Variants in ABCA13 observed in about 807,000 individuals in gnomAD.
The protein encoded by ABCA13 is ATP-binding cassette sub-family A member 13.
A neutral mutation model predicts 478.7 loss-of-function variants in ABCA13; 476 were observed. That is an observed-to-expected ratio of 0.99 (90% CI 0.92 to 1.07). ABCA13 has a LOEUF of 1.07. ABCA13 is among the 50% of genes least tolerant of loss of function. The pLI, the probability that ABCA13 is intolerant of heterozygous loss-of-function variation, is 0.00. For missense variants in ABCA13, 6,060 were observed against 5,910.6 expected (o/e 1.03, Z -0.83); for synonymous variants, 2,252 against 2,158.9 (o/e 1.04, Z -1.20).
intron 50 of ABCA13, among the ~76,000 whole-genome samples, chr7:48,509,437 C>T (rs1282977221): frequency 6.6e-6 from 1 of 152,208 alleles, no homozygotes; most frequent in Admixed American, 6.5e-5. Flanking sequence ...AGAATCACAA[C>T]ACACAGGGGG....
At chr7:48,607,121 T>C (rs1196609824) in intron 58 of ABCA13, among the ~76,000 whole-genome samples, 1 of 152,168 alleles carries the variant, frequency 6.6e-6, no homozygotes, top group Admixed American at 6.5e-5. Flanking sequence ...TTCAAGCCCG[T>C]GGATCTTAGT....
chr7:48,380,143 A>T (rs1262106458), intron 35 of ABCA13, among the ~76,000 whole-genome samples: 5 of 152,200 alleles, frequency 3.3e-5, no homozygotes, highest in Non-Finnish European at 7.4e-5. Flanking sequence ...CTCAATGTGT[A>T]ATTTTCACCA....
intron 53 of ABCA13, among the ~76,000 whole-genome samples, chr7:48,521,655 G>A (rs186097051): frequency 1.3e-5 from 2 of 151,802 alleles, no homozygotes; most frequent in Non-Finnish European, 2.9e-5. Context: ...CAGATTTCAG[G>A]GTACTCCATT....
chr7:48,233,838 ATT>A (rs1199551215), intron 7 of ABCA13, among the ~76,000 whole-genome samples, 178 bp from the exon 8 acceptor site: 2 of 152,198 alleles, frequency 1.3e-5, no homozygotes, highest in Non-Finnish European at 2.9e-5. Flanking sequence ...ACACTTCACC[ATT>A]CTCTCTATAG....
intron 20 of ABCA13, among the ~76,000 whole-genome samples, chr7:48,289,393 C>T (rs1159840055): frequency 1.4e-5 from 2 of 146,708 alleles, no homozygotes; most frequent in Non-Finnish European, 3.0e-5. Context: ...GAGTCTTGCA[C>T]TGTTGCCTGG....
chr7:48,521,899 A>C (rs923946447), intron 53 of ABCA13, among the ~76,000 whole-genome samples: 1 of 152,140 alleles, frequency 6.6e-6, no homozygotes, highest in African/African-American at 2.4e-5. Context: ...TGCATGACCC[A>C]GTCAATTTAC....
At chr7:48,447,522 A>G (rs1280392932) in intron 42 of ABCA13, among the ~76,000 whole-genome samples, 3 of 152,170 alleles carry the variant, frequency 2.0e-5, no homozygotes, top group Non-Finnish European at 2.9e-5. Context: ...TCATGTTGCA[A>G]TGAAGCCCCA....
rs757914165 is a variant in ABCA13, at chr7:48,275,024, C to T, written c.5358C>T (p.Ile1786=). 1.2e-6 allele frequency: 2 copies of T among 1,613,906 alleles called. No homozygotes were observed. The highest frequency in any genetic ancestry group is 1.7e-6 in the Non-Finnish European group (2 of 1,179,842). Reference sequence around the variant, plus strand: ...TTCATGGCATAACCATTTCAAATATCACCAAGGAAGACTTCGCAATTGTGA... The same window carrying T: ...TTCATGGCATAACCATTTCAAATATTACCAAGGAAGACTTCGCAATTGTGA... ...TLLHGITISN[I]TKEDFAIVIK... The change falls in exon 17 of 62, where the codon ATC becomes ATT. Residue 1786 remains isoleucine, a synonymous_variant. Transcript: ENST00000435803.
chr7:48,594,500 G>A (rs1790082806), intron 57 of ABCA13, among the ~76,000 whole-genome samples: 3 of 152,046 alleles, frequency 2.0e-5, no homozygotes, highest in Non-Finnish European at 4.4e-5. Flanking sequence ...CTGCATGGCT[G>A]GAGGAGTCAG....
intron 58 of ABCA13, among the ~76,000 whole-genome samples, chr7:48,601,533 C>T (rs1790892930): frequency 6.6e-6 from 1 of 152,164 alleles, no homozygotes; most frequent in Non-Finnish European, 1.5e-5. Flanking sequence ...TCATCCATGT[C>T]CCTGCAAGGG....
intron 27 of ABCA13, among the ~76,000 whole-genome samples, chr7:48,328,507 C>T (rs1804676523): frequency 6.6e-6 from 1 of 152,112 alleles, no homozygotes; most frequent in African/African-American, 2.4e-5. Flanking sequence ...TTCTCTAAGA[C>T]AGCAGTATCA....
chr7:48,371,989 T>C (rs1050516057), intron 32 of ABCA13, among the ~76,000 whole-genome samples, 179 bp from the exon 33 acceptor site: 1 of 152,200 alleles, frequency 6.6e-6, no homozygotes, highest in African/African-American at 2.4e-5. Flanking sequence ...CAAGTGCTCA[T>C]GAAAATCAAA....
At chr7:48,213,382 A>G (rs963977787) in intron 3 of ABCA13, among the ~76,000 whole-genome samples, 16 of 152,206 alleles carry the variant, frequency 1.1e-4, no homozygotes, top group African/African-American at 3.9e-4. Flanking sequence ...GCAGTCTGTT[A>G]AGTGTGCAAT....
In ABCA13 at chr7:48,279,700, G is replaced by A. The variant is rs766754827; in HGVS notation, c.8506G>A (p.Glu2836Lys). ...WRKGLLFNNS[E>K]WITSTRTLFQ... The stretch of plus-strand genomic sequence containing the variant: ...GAAAGGACTTCTGTTTAACAACTCT[G>A]AATGGATAACTTCCACAAGAACTTT... Residue 2836 changes from glutamate (E) to lysine (K), a missense_variant, in exon 18 of 62, where the codon GAA (glutamate) becomes AAA (lysine). By Grantham distance (56) the Glu-to-Lys change is moderately conservative (BLOSUM62 1). Transcript: ENST00000435803. The A allele has an allele frequency of 1.2e-6, 2 of 1,613,612 alleles. No homozygotes were observed. Among genetic ancestry groups the A allele is most frequent in the Admixed American group, 3.3e-5 (2 of 59,996 alleles).
At chr7:48,368,700 TATATATATATATATACAC>T (rs1025146902) in intron 32 of ABCA13, among the ~76,000 whole-genome samples, 2 of 140,968 alleles carry the variant, frequency 1.4e-5, no homozygotes, top group Admixed American at 1.4e-4. Flanking sequence ...TATATATATA[TATATATATATATATACAC>T]ATACACACAC....
intron 31 of ABCA13, among the ~76,000 whole-genome samples, chr7:48,363,444 T>G (rs993276350): frequency 6.6e-6 from 1 of 152,280 alleles, no homozygotes; most frequent in Non-Finnish European, 1.5e-5. Context: ...GACAATTTTC[T>G]ATGATGACAA....
intron 51 of ABCA13, among the ~76,000 whole-genome samples, chr7:48,514,733 TTC>T (rs1369933619): frequency 6.6e-6 from 1 of 152,116 alleles, no homozygotes; most frequent in Non-Finnish European, 1.5e-5. Context: ...GGGGTTTGAA[TTC>T]TCTCTGTGGT....
In ABCA13 at chr7:48,477,178, C is replaced by T. The variant is rs144590177; in HGVS notation, c.12976-3858C>T. Among the ~76,000 whole-genome samples the T allele has an allele frequency of 4.4e-3, 664 of 152,134 alleles. 8 individuals carry two copies. Among genetic ancestry groups the T allele is most frequent in the African/African-American group, 0.015 (613 of 41,482 alleles). Reference sequence around the variant, plus strand: ...GAGGGTGTATTTGGGGACACCTACACGGATAATGGTTAGAATGAGACCAAG... The same window carrying T: ...GAGGGTGTATTTGGGGACACCTACATGGATAATGGTTAGAATGAGACCAAG... On this transcript the variant is annotated intron_variant, in intron 45 of 61. Transcript: ENST00000435803.
intron 42 of ABCA13, among the ~76,000 whole-genome samples, chr7:48,438,949 T>C (rs1823226309): frequency 6.6e-6 from 1 of 151,642 alleles, no homozygotes; most frequent in South Asian, 2.1e-4. Context: ...CTAGCGTGAT[T>C]CCAAAAACTC....
Sources: allele counts gnomAD v4.1 joint callset (sites outside exome capture counted in the v4.1 genomes callset), GRCh38; gene constraint gnomAD v4.1.1; transcripts MANE v1.5; gene names NCBI Gene and HGNC (gene_info 2026-07-23, HGNC 2026-07-21).